Variants in ZNF91 observed in about 807,000 individuals in gnomAD.
ZNF91 encodes the protein zinc finger protein 91 (HPF7, HTF10).
Under a neutral mutation model 12.6 loss-of-function variants are expected in ZNF91, and 7 were observed. That is an observed-to-expected ratio of 0.55 (90% CI 0.31 to 1.04). The LOEUF (loss-of-function observed/expected upper bound fraction) is 1.04. Among genes scored for constraint, ZNF91 ranks in the 50% least tolerant of loss-of-function variants. The probability of loss-of-function intolerance (pLI) is 0.05; values close to 1 mark genes in which losing one functional copy is unlikely to be tolerated. For missense variants in ZNF91, 1,217 were observed against 1,385.4 expected (o/e 0.88, Z 1.93); for synonymous variants, 453 against 462.6 (o/e 0.98, Z 0.27).
At position 23,359,941 on chromosome 19, in the gene ZNF91, G is replaced by A. The variant is rs374974529; in HGVS notation, c.3038C>T (p.Thr1013Met). Residue 1013 changes from threonine to methionine, a missense_variant, in exon 4 of 4, where the codon ACG becomes ATG. Physicochemically the swap from Thr to Met is moderately conservative, Grantham distance 81 (BLOSUM62 -1). Coordinates refer to ENST00000300619, the MANE Select transcript of ZNF91 (RefSeq NM_003430.4). ...FSQSSTLTRH[T>M]RMHTGEKPYK... ...TGGTTTCTCTCCAGTGTGCATCCTC[G>A]TATGTCTAGTTAGGGTTGAGGATTG... is the stretch of plus-strand genomic sequence containing the variant. 2.5e-5 allele frequency: 38 copies of A among 1,511,924 alleles called. No individual in the cohort carries two copies. The African/African-American group carries it at 4.2e-4, about 17-fold the overall frequency. 93.7% of individuals were successfully genotyped at this position (1,511,924 alleles called of 1,614,324 possible).
chr19:23,357,655 T>C (rs1216143964), downstream of ZNF91: 2 of 152,036 alleles, frequency 1.3e-5, no homozygotes, highest in East Asian at 2.0e-4. Context: ...AAGAAAAATA[T>C]ATGAAAAAAT....
intron 3 of ZNF91, among the ~76,000 whole-genome samples, chr19:23,352,024 T>A (rs183468064): frequency 2.6e-4 from 39 of 152,290 alleles, no homozygotes; most frequent in Admixed American, 2.5e-3. Flanking sequence ...AGAATTTGAA[T>A]GAGGCAAGAA....
downstream of ZNF91, among the ~76,000 whole-genome samples, chr19:23,337,029 T>TAGATTGCTATGCTAAATGA (rs1968023692): frequency 6.6e-6 from 1 of 152,238 alleles, no homozygotes; most frequent in Non-Finnish European, 1.5e-5. Context: ...TATAATTTAG[T>TAGATTGCTATGCTAAATGA]TACATGCATA....
intron 3 of ZNF91, among the ~76,000 whole-genome samples, chr19:23,351,946 G>C (rs953329751): frequency 6.6e-6 from 1 of 152,162 alleles, no homozygotes; most frequent in African/African-American, 2.4e-5. Flanking sequence ...GAATCCATCA[G>C]GAGGGAGGAC....
At chr19:23,344,232 C>A (rs1222767488) in intron 3 of ZNF91, among the ~76,000 whole-genome samples, 1 of 151,994 alleles carries the variant, frequency 6.6e-6, no homozygotes, top group Non-Finnish European at 1.5e-5. Context: ...GTAGCTGGGA[C>A]TACTGGCGCC....
At chr19:23,332,066 C>T (rs1967936290) in intron 1 of ZNF91, among the ~76,000 whole-genome samples, 1 of 152,174 alleles carries the variant, frequency 6.6e-6, no homozygotes, top group Non-Finnish European at 1.5e-5. Context: ...AAGTTGCAGA[C>T]AAACTTTGGT....
downstream of ZNF91, among the ~76,000 whole-genome samples, chr19:23,356,308 A>AAT (rs1186620844): frequency 1.3e-5 from 2 of 151,910 alleles, no homozygotes; most frequent in South Asian, 2.1e-4. Flanking sequence ...GAATCTGTGA[A>AAT]ATATATATAT....
rs545926845 is a variant in ZNF91 at position 23,371,282 on chromosome 19, G to A, written c.253+2460C>T. ...AATCGCTTGAATCTGGGAGGTGGAG[G>A]TTGCAGTGAGCCAAGATCATGCATT... On this transcript the variant is annotated intron_variant, in intron 3 of 3. Coordinates refer to ENST00000300619, the MANE Select transcript of ZNF91 (RefSeq NM_003430.4). 7.6e-4 allele frequency among the ~76,000 whole-genome samples: 115 copies of A among 152,134 alleles called. 1 individual carries two copies. The highest frequency in any genetic ancestry group is 1.4e-3 in the Non-Finnish European group (97 of 68,002).
chr19:23,312,656 G>A (rs1317964768), upstream of ZNF91, among the ~76,000 whole-genome samples: 1 of 152,196 alleles, frequency 6.6e-6, no homozygotes, highest in Admixed American at 6.5e-5. Context: ...CAGCTCATAG[G>A]AAGGTGAACA....
At chr19:23,307,614 G>A (rs1967414749) in intron 2 of ZNF91, 1 of 152,142 alleles carries the variant, frequency 6.6e-6, no homozygotes, top group South Asian at 2.1e-4. Context: ...CTCATGCCTG[G>A]GACCTGTCCA....
At chr19:23,318,688 T>C (rs1477348477) in intron 1 of ZNF91, among the ~76,000 whole-genome samples, 1 of 152,206 alleles carries the variant, frequency 6.6e-6, no homozygotes, top group Non-Finnish European at 1.5e-5. Flanking sequence ...TTCCAGTACC[T>C]AGGTGTTGTG....
chr19:23,324,522 T>C (rs1441954123), intron 1 of ZNF91: 1 of 151,110 alleles, frequency 6.6e-6, no homozygotes, highest in Non-Finnish European at 1.5e-5. Flanking sequence ...GCCAAGTATA[T>C]ATATATATAT....
chr19:23,372,739 G>A (rs1360268489), intron 3 of ZNF91, among the ~76,000 whole-genome samples: 1 of 152,170 alleles, frequency 6.6e-6, no homozygotes, highest in Non-Finnish European at 1.5e-5. Context: ...GGCCTTTACT[G>A]TGGTCCCTGA....
intron 3 of ZNF91, among the ~76,000 whole-genome samples, chr19:23,367,255 A>G (rs552532916): frequency 6.6e-6 from 1 of 152,318 alleles, no homozygotes; most frequent in East Asian, 1.9e-4. Context: ...TTATGCCAAT[A>G]CACTCCAGCC....
Position 23,360,955 on chromosome 19 carries a change from T to C in ZNF91, c.2024A>G (p.Asn675Ser). The C allele has an allele frequency of 6.2e-7, 1 of 1,613,470 alleles. No individual in the cohort carries two copies. Among genetic ancestry groups the C allele is most frequent in the African/African-American group, 1.3e-5 (1 of 74,982 alleles). Residue 675 changes from asparagine to serine, a missense_variant, in exon 4 of 4, where the codon AAT becomes AGT. Transcript: ENST00000300619. ...KAFSNSSTLA[N>S]HKITHTEEKP... is the part of the protein sequence containing the mutation. ...CTCTTCAGTATGAGTTATCTTATGA[T>C]TAGCAAGGGTTGAGGAATTGCTAAA...
At chr19:23,330,359 C>G (rs1967908443) in intron 1 of ZNF91, among the ~76,000 whole-genome samples, 1 of 151,846 alleles carries the variant, frequency 6.6e-6, no homozygotes, top group Non-Finnish European at 1.5e-5. Flanking sequence ...GAAAGAAAGT[C>G]TTCTAATACC....
intron 1 of ZNF91, among the ~76,000 whole-genome samples, chr19:23,377,797 T>C (rs1034231761): frequency 6.6e-6 from 1 of 152,232 alleles, no homozygotes; most frequent in Non-Finnish European, 1.5e-5. Flanking sequence ...GCAATGTTTA[T>C]TAAGCAGGTA....
At position 23,362,472 on chromosome 19, in the gene ZNF91, T is replaced by G; in HGVS notation, c.507A>C (p.Ser169=). 1 of 1,605,418 alleles carries G rather than the reference T, an allele frequency of 6.2e-7. No homozygotes were observed. Among genetic ancestry groups the G allele is most frequent in the South Asian group, 1.1e-5 (1 of 89,738 alleles). Reference sequence around the variant, plus strand: ...CAGTATGTCTTATCGTATGTCTGTTTGAATTTAAAAATTTATAGAAGACTT... The same window carrying G: ...CAGTATGTCTTATCGTATGTCTGTTGGAATTTAAAAATTTATAGAAGACTT... ...YLKVFYKFLN[S]NRHTIRHTGK... is the part of the protein sequence containing the mutation. Residue 169 remains serine, a synonymous_variant, in exon 4 of 4, where the codon TCA becomes TCC. Transcript: ENST00000300619.
chr19:23,394,154 G>A (rs537883443), intron 1 of ZNF91, among the ~76,000 whole-genome samples: 1 of 152,150 alleles, frequency 6.6e-6, no homozygotes, highest in Non-Finnish European at 1.5e-5. Context: ...TAGGCTGGAG[G>A]AACAGGGGAT....
Sources: allele counts gnomAD v4.1 joint callset (sites outside exome capture counted in the v4.1 genomes callset), GRCh38; gene constraint gnomAD v4.1.1; transcripts MANE v1.5; gene names NCBI Gene and HGNC (gene_info 2026-07-23, HGNC 2026-07-21).